Variants in ABCC8 observed in about 807,000 individuals in gnomAD.
ABCC8 encodes the protein ATP binding cassette subfamily C member 8.
Under a neutral mutation model 188.0 loss-of-function variants are expected in ABCC8, and 137 were observed. The ratio of observed to expected loss-of-function variants is 0.73; its 90% CI spans 0.63 to 0.84. The LOEUF is 0.84. Ranked by LOEUF, ABCC8 falls within the 40% of genes least tolerant of loss-of-function variation. ABCC8 has a pLI of 0.00. For missense variants in ABCC8, 1,750 were observed against 2,072.7 expected (o/e 0.84, Z 3.02); for synonymous variants, 797 against 846.5 (o/e 0.94, Z 1.01).
At chr11:17,394,195 G>A (rs201735624) in intron 37 of ABCC8, 71 bp downstream of exon 37, 27 of 1,569,432 alleles carry the variant, frequency 1.7e-5, no homozygotes, top group Non-Finnish European at 2.2e-5. Flanking sequence ...ACTACTTCGT[G>A]CAAATTTCTC....
intron 16 of ABCC8, chr11:17,417,166 A>C: frequency 2.8e-6 from 2 of 710,792 alleles, no homozygotes; most frequent in South Asian, 6.3e-5. Flanking sequence ...TACCCTCCAA[A>C]TAGCATGTGC....
At chr11:17,474,745 C>G (rs1848664395) in intron 2 of ABCC8, 141 bp downstream of exon 2, 1 of 939,090 alleles carries the variant, frequency 1.1e-6, no homozygotes, top group Non-Finnish European at 1.7e-6. Context: ...GAGAGGTTGG[C>G]ACATAGAAGA....
chr11:17,404,665 A>T lies in ABCC8; in HGVS notation c.3404T>A (p.Ile1135Asn), dbSNP rs1293731118. ...GCTCAGGCACTCCAGCGTGGATGGG[A>T]TGTGCTGAGGGAGACGAGGGGGAGA... The part of the protein sequence containing the change: ...SSDCNTIDQH[I>N]PSTLECLSRS... Residue 1135 changes from isoleucine to asparagine, a missense_variant, in exon 28 of 39, where the codon ATC (isoleucine) becomes AAC (asparagine). Coordinates refer to ENST00000389817, the MANE Select transcript of ABCC8 (RefSeq NM_000352.6). This position sits in a 1 kb window ranked among gnomAD's most constrained non-coding sequence, Gnocchi z 4.7. 2 of 1,608,338 alleles carry T rather than the reference A, an allele frequency of 1.2e-6. No homozygotes were observed. Among genetic ancestry groups the T allele is most frequent in the East Asian group, 2.2e-5 (1 of 44,682 alleles).
intron 16 of ABCC8, among the ~76,000 whole-genome samples, chr11:17,421,573 G>A (rs1257813086): frequency 6.6e-6 from 1 of 152,158 alleles, no homozygotes; most frequent in Non-Finnish European, 1.5e-5. Flanking sequence ...ACAGACTGGA[G>A]GACATTTAAA....
At chr11:17,410,350 G>T in intron 22 of ABCC8, 166 bp downstream of exon 22, 1 of 768,506 alleles carries the variant, frequency 1.3e-6, no homozygotes, top group Non-Finnish European at 2.2e-6. Flanking sequence ...GGCCTGTACA[G>T]GGTCTCCCTG....
chr11:17,425,870 G>A (rs908400606), intron 16 of ABCC8, among the ~76,000 whole-genome samples: 1 of 139,584 alleles, frequency 7.2e-6, no homozygotes, highest in Non-Finnish European at 1.5e-5. Context: ...AGTGTGTGAT[G>A]TTCCCCTCCC....
chr11:17,454,905 C>G (rs1453394363), intron 6 of ABCC8, among the ~76,000 whole-genome samples: 1 of 152,118 alleles, frequency 6.6e-6, no homozygotes, highest in Non-Finnish European at 1.5e-5. Context: ...GGGATGGAAA[C>G]TTGCCCCCCT....
At chr11:17,405,044 A>G (rs1474840708) in intron 27 of ABCC8, among the ~76,000 whole-genome samples, 1 of 152,110 alleles carries the variant, frequency 6.6e-6, no homozygotes, top group Admixed American at 6.6e-5. Context: ...GGGTTACAGG[A>G]GTGAGCCACT....
At chr11:17,475,210 T>C (rs1029993850) in intron 1 of ABCC8, 183 bp from the exon 2 acceptor site, 11 of 353,850 alleles carry the variant, frequency 3.1e-5, no homozygotes, top group Non-Finnish European at 4.4e-5. Context: ...CCTATGCTGG[T>C]ACCTCCCCCA....
rs142651082 is a variant in ABCC8 at position 17,460,616 on chromosome 11, A to T, written c.883T>A (p.Phe295Ile). The change falls in exon 6 of 39, where the codon TTC becomes ATC. Residue 295 changes from phenylalanine to isoleucine, a missense_variant. Phe to Ile is a conservative substitution (Grantham distance 21). Coordinates refer to ENST00000389817, the MANE Select transcript of ABCC8 (RefSeq NM_000352.6). ...CTGCTGAGGACCAGGCGCCTCCCGA[A>T]GGCATGGCTGAGTGCCTGCCAGATG... The part of the protein sequence containing the change: ...RAIWQALSHA[F>I]GRRLVLSSTF... 6.2e-7 allele frequency: 1 copy of T among 1,612,942 alleles called. No homozygotes were observed. Among genetic ancestry groups the T allele is most frequent in the East Asian group, 2.2e-5 (1 of 44,874 alleles).
At chr11:17,468,462 C>T (rs1024315810) in intron 3 of ABCC8, among the ~76,000 whole-genome samples, 3 of 152,156 alleles carry the variant, frequency 2.0e-5, no homozygotes, top group Non-Finnish European at 2.9e-5. Flanking sequence ...ACCCCAAGGA[C>T]GAAGTCTGAG....
rs755241300 is a variant in ABCC8, at chr11:17,397,239, G to C, written c.3942C>G (p.Ile1314Met). 1 of 1,613,720 alleles carries C rather than the reference G, an allele frequency of 6.2e-7. No homozygotes were observed. The highest frequency in any genetic ancestry group is 1.3e-5 in the African/African-American group (1 of 75,048). The change falls in exon 32 of 39, where the codon ATC becomes ATG. Residue 1314 changes from isoleucine (I) to methionine (M), a missense_variant. Transcript: ENST00000389817. Reference protein sequence around the residue: ...MELQLGAVKRIHGLLKTEAES... With the variant: ...MELQLGAVKRMHGLLKTEAES... The stretch of plus-strand genomic sequence containing the variant: ...CTGCCTCGGTTTTCAGGAGCCCATG[G>C]ATGCGCTTCACAGCCCCCAGCTGGA...
intron 14 of ABCC8, 65 bp from the exon 15 acceptor site, chr11:17,428,007 C>T: frequency 2.5e-6 from 4 of 1,592,082 alleles, no homozygotes; most frequent in Non-Finnish European, 3.4e-6. Flanking sequence ...AGTGAATAGT[C>T]TCTGGCTTCC....
intron 10 of ABCC8, among the ~76,000 whole-genome samples, chr11:17,438,202 G>C (rs182966200): frequency 2.0e-5 from 3 of 152,172 alleles, no homozygotes; most frequent in Non-Finnish European, 4.4e-5. Context: ...CTGAGTTAGC[G>C]CCTCCACTGA....
chr11:17,433,863 G>C (rs1326478064), intron 10 of ABCC8, among the ~76,000 whole-genome samples: 1 of 152,184 alleles, frequency 6.6e-6, no homozygotes, highest in Admixed American at 6.5e-5. Flanking sequence ...ACATGCCTGT[G>C]CTTTAACTGC....
intron 14 of ABCC8, 136 bp from the exon 15 acceptor site, chr11:17,428,078 G>T: frequency 1.3e-6 from 2 of 1,587,424 alleles, no homozygotes; most frequent in East Asian, 2.3e-5. Flanking sequence ...CAGAGCAGGG[G>T]AGTGGGAGAC....
intron 26 of ABCC8, among the ~76,000 whole-genome samples, chr11:17,405,864 G>A (rs1954490627): frequency 1.3e-5 from 2 of 152,212 alleles, no homozygotes; most frequent in South Asian, 4.1e-4. Context: ...CCTCTCCAGA[G>A]GGACAACCTG....
At chr11:17,431,997 C>T (rs562788774) in intron 11 of ABCC8, among the ~76,000 whole-genome samples, 1 of 152,344 alleles carries the variant, frequency 6.6e-6, no homozygotes, top group Non-Finnish European at 1.5e-5. Context: ...AGCCTCCGGT[C>T]TTCCAGGCCT....
intron 16 of ABCC8, among the ~76,000 whole-genome samples, chr11:17,418,588 G>C (rs937784263): frequency 5.9e-5 from 9 of 152,130 alleles, no homozygotes; most frequent in Admixed American, 5.2e-4. Context: ...CTTATCTCTG[G>C]AGTCTTCCTG....
Sources: gnomAD v4.1 joint callset for allele counts (sites outside exome capture counted in the v4.1 genomes callset) on GRCh38, gnomAD v4.1.1 for gene constraint, Gnocchi (gnomAD v3.1) non-coding constraint, MANE v1.5 for transcripts, NCBI Gene and HGNC (gene_info 2026-07-23, HGNC 2026-07-21) for gene names.